Variants in GOSR1 observed in about 807,000 individuals in gnomAD.
GOSR1 encodes 28 kDa Golgi SNARE protein.
A neutral mutation model predicts 35.5 loss-of-function variants in GOSR1; 21 were observed. The ratio of observed to expected loss-of-function variants is 0.59; its 90% CI spans 0.42 to 0.85. The LOEUF is 0.85. GOSR1 is among the 40% of genes least tolerant of loss of function. The pLI, the probability that GOSR1 is intolerant of heterozygous loss-of-function variation, is 0.00. For missense variants in GOSR1, 285 were observed against 309.6 expected, an observed-to-expected ratio of 0.92 and a Z score of 0.60; for synonymous variants, 94 against 106.6, an observed-to-expected ratio of 0.88 and a Z score of 0.73.
chr17:30,490,216 G>C lies in GOSR1; in HGVS notation c.433G>C (p.Glu145Gln), dbSNP rs377555460. 1.3e-5 allele frequency: 18 copies of C among 1,377,228 alleles called. No individual in the cohort carries two copies. The South Asian group carries it at 2.1e-4, about 16-fold the overall frequency. The allele number at this position is 1,377,228 out of a possible 1,614,324, so 85.3% of individuals were successfully genotyped here. A position where few individuals can be genotyped will look rare whatever the true frequency, so the allele number is the denominator to read the frequency against. ...NLMGSVRKDI[E>Q]SYKSGSGVNN... Reference sequence around the variant, plus strand: ...TATGGGATCAGTACGAAAAGATATTGAGTAAGTTACTTTTTATATTATTTT... The same window carrying C: ...TATGGGATCAGTACGAAAAGATATTCAGTAAGTTACTTTTTATATTATTTT... Residue 145 changes from glutamate to glutamine, a missense_variant and splice_region_variant, in exon 5 of 9, where the codon GAG (glutamate) becomes CAG (glutamine). Glu to Gln is a conservative substitution (Grantham distance 29). Transcript: ENST00000451249.
intron 8 of GOSR1, among the ~76,000 whole-genome samples, chr17:30,521,068 T>C (rs1275598050): frequency 6.6e-6 from 1 of 150,508 alleles, no homozygotes; most frequent in Non-Finnish European, 1.5e-5. Flanking sequence ...TTTAAAACAC[T>C]AAAGCCTTTC....
chr17:30,513,964 C>T lies in GOSR1; in HGVS notation c.539+3055C>T, dbSNP rs112870797. On this transcript the variant is annotated intron_variant, in intron 7 of 8. Transcript: ENST00000451249. ...CTCAAAAAAATAATAATATATCATTCAAAGATTGATATATGGGCCAGCATA... is the reference window on the plus strand; with the variant it reads ...CTCAAAAAAATAATAATATATCATTTAAAGATTGATATATGGGCCAGCATA... 2.6e-3 allele frequency among the ~76,000 whole-genome samples: 391 copies of T among 152,266 alleles called. 2 individuals carry two copies. Among genetic ancestry groups the T allele is most frequent in the African/African-American group, 8.7e-3 (361 of 41,542 alleles).
chr17:30,496,504 G>A (rs1967009612), intron 6 of GOSR1, among the ~76,000 whole-genome samples: 1 of 151,258 alleles, frequency 6.6e-6, no homozygotes, highest in African/African-American at 2.5e-5. Context: ...CTTCTCTTTT[G>A]TTTTTTTCCT....
chr17:30,504,279 A>G (rs1967323148), intron 6 of GOSR1, among the ~76,000 whole-genome samples: 1 of 152,078 alleles, frequency 6.6e-6, no homozygotes, highest in African/African-American at 2.4e-5. Flanking sequence ...CACCTGCCTC[A>G]ACCTCGCAAA....
intron 7 of GOSR1, among the ~76,000 whole-genome samples, chr17:30,514,675 G>A (rs1426920143): frequency 6.6e-6 from 1 of 152,082 alleles, no homozygotes; most frequent in African/African-American, 2.4e-5. Flanking sequence ...TTATCTTAAC[G>A]TTCTTTATCA....
In GOSR1 at chr17:30,481,168, G is replaced by A; in HGVS notation, c.57G>A (p.Leu19=). 4 of 1,599,102 alleles carry A rather than the reference G, an allele frequency of 2.5e-6. No individual in the cohort carries two copies. Among genetic ancestry groups the A allele is most frequent in the East Asian group, 2.2e-5 (1 of 44,818 alleles). The change falls in exon 2 of 9, where the codon CTG becomes CTA. Residue 19 remains leucine, a synonymous_variant. Coordinates refer to ENST00000451249, the MANE Select transcript of GOSR1 (RefSeq NM_001007025.2). ...WEDLRKQARQ[L]ENELDLKLVS... is the part of the protein sequence containing the mutation. The stretch of plus-strand genomic sequence containing the variant: ...ATCTCAGGAAACAGGCTCGACAGCT[G>A]GAAAATGAACTTGACCTGAAACTAG...
rs1179091413 is a variant in GOSR1, at chr17:30,524,493, C to T, written c.*2115C>T. 6.6e-6 allele frequency: 1 copy of T among 152,048 alleles called. No homozygotes were observed. Among genetic ancestry groups the T allele is most frequent in the Non-Finnish European group, 1.5e-5 (1 of 68,022 alleles). The allele number at this position is 152,048 out of a possible 1,614,324, so 9.4% of individuals were successfully genotyped here. A position where few individuals can be genotyped will look rare whatever the true frequency, so the allele number is the denominator to read the frequency against. Reference sequence around the variant, plus strand: ...GTTAACTGTATTGCTGGAAAAACATCAAGAATGACAGTCTTATATTTAAGG... The same window carrying T: ...GTTAACTGTATTGCTGGAAAAACATTAAGAATGACAGTCTTATATTTAAGG... On this transcript the variant is annotated 3_prime_UTR_variant, in exon 9 of 9. Transcript: ENST00000451249.
At chr17:30,485,065 C>G (rs1914595494) in intron 4 of GOSR1, 5 of 422,878 alleles carry the variant, frequency 1.2e-5, no homozygotes, top group Non-Finnish European at 2.2e-5. Flanking sequence ...GTGAAATAGC[C>G]AATGGTCATG....
At chr17:30,487,671 T>C (rs1163031661) in intron 4 of GOSR1, among the ~76,000 whole-genome samples, 1 of 152,242 alleles carries the variant, frequency 6.6e-6, no homozygotes, top group African/African-American at 2.4e-5. Flanking sequence ...AGGGTACTCA[T>C]ATATTGCTGG....
chr17:30,512,106 G>T (rs1255726390), intron 7 of GOSR1, among the ~76,000 whole-genome samples: 1 of 152,118 alleles, frequency 6.6e-6, no homozygotes, highest in Non-Finnish European at 1.5e-5. Context: ...ACAAGGTTTT[G>T]GGTCTGATTT....
chr17:30,522,367 G>A lies in GOSR1; in HGVS notation c.736G>A (p.Ala246Thr). Residue 246 changes from alanine (A) to threonine (T), a missense_variant, in exon 9 of 9, where the codon GCG becomes ACG. Physicochemically the swap from Ala to Thr is moderately conservative, Grantham distance 58. Transcript: ENST00000451249. ...GICTILLLLY[A>T]FH ...CTGTACCATCCTGTTGCTGCTGTATGCGTTCCATTGATGGGACATCTTCAG... is the reference window on the plus strand; with the variant it reads ...CTGTACCATCCTGTTGCTGCTGTATACGTTCCATTGATGGGACATCTTCAG... 1 of 1,583,044 alleles carries A rather than the reference G, an allele frequency of 6.3e-7. No homozygotes were observed. The highest frequency in any genetic ancestry group is 8.6e-7 in the Non-Finnish European group (1 of 1,164,540).
Position 30,484,200 on chromosome 17 carries a change from G to C in GOSR1, c.147-14G>C, listed in dbSNP as rs1381045289. 1.4e-6 allele frequency: 2 copies of C among 1,432,260 alleles called. No homozygotes were observed. Among genetic ancestry groups the C allele is most frequent in the Non-Finnish European group, 2.0e-6 (2 of 1,014,562 alleles). 88.7% of individuals were successfully genotyped at this position (1,432,260 alleles called of 1,614,324 possible). A position where few individuals can be genotyped will look rare whatever the true frequency, so the allele number is the denominator to read the frequency against. ...TTTGAGTAATGGATCCTCTTTAACT[G>C]AACTTCTTTTTAGTTCTGATACAAC... is the stretch of plus-strand genomic sequence containing the variant. On this transcript the variant is annotated splice_polypyrimidine_tract_variant and intron_variant, in intron 2 of 8. Coordinates refer to ENST00000451249, the MANE Select transcript of GOSR1 (RefSeq NM_001007025.2).
intron 6 of GOSR1, among the ~76,000 whole-genome samples, chr17:30,509,463 A>G (rs1967536108): frequency 1.3e-5 from 2 of 152,246 alleles, no homozygotes. Context: ...AGTAACTTAG[A>G]TTACCTAGTC....
Position 30,490,371 on chromosome 17 carries a change from A to G in GOSR1, c.434+154A>G, listed in dbSNP as rs2286714. The G allele has an allele frequency of 5.1e-4, 259 of 510,188 alleles. 3 individuals are homozygous for G. The East Asian group carries it at 6.7e-3, about 13-fold the overall frequency. The allele number at this position is 510,188 out of a possible 1,614,324, so 31.6% of individuals were successfully genotyped here. On this transcript the variant is annotated intron_variant, in intron 5 of 8. Transcript: ENST00000451249. ...CTGTCTTTTTAACATTGCTGCTACA[A>G]TGTCATCCTAATCTACTTTTCCATT...
intron 1 of GOSR1, chr17:30,480,029 G>T (rs1296128901): frequency 6.6e-6 from 1 of 151,904 alleles, no homozygotes; most frequent in Non-Finnish European, 1.5e-5. Context: ...ATTTTGGTCC[G>T]GGCGTGGTGG....
intron 6 of GOSR1, among the ~76,000 whole-genome samples, chr17:30,493,690 C>T (rs1966889095): frequency 6.6e-6 from 1 of 152,012 alleles, no homozygotes; most frequent in Non-Finnish European, 1.5e-5. Context: ...TTCAACAACA[C>T]AAAAAGAAAA....
intron 4 of GOSR1, among the ~76,000 whole-genome samples, chr17:30,486,888 C>G (rs1349680176): frequency 6.6e-6 from 1 of 152,176 alleles, no homozygotes; most frequent in Non-Finnish European, 1.5e-5. Context: ...GTCTAAATTG[C>G]ATGACATCCC....
At position 30,527,205 on chromosome 17, in the gene GOSR1, A is replaced by T. The variant is rs1486075610; in HGVS notation, c.*4827A>T. 1 of 152,132 alleles carries T rather than the reference A, an allele frequency of 6.6e-6. No homozygotes were observed. Among genetic ancestry groups the T allele is most frequent in the Non-Finnish European group, 1.5e-5 (1 of 68,040 alleles). 9.4% of individuals were successfully genotyped at this position (152,132 alleles called of 1,614,324 possible). On this transcript the variant is annotated 3_prime_UTR_variant, in exon 9 of 9. Coordinates refer to ENST00000451249, the MANE Select transcript of GOSR1 (RefSeq NM_001007025.2). Reference sequence around the variant, plus strand: ...AAGACCTTGTCTCTACAAAAACTAAAATTAGCCATTCATGATGGTGTGCAC... The same window carrying T: ...AAGACCTTGTCTCTACAAAAACTAATATTAGCCATTCATGATGGTGTGCAC...
chr17:30,519,364 C>A (rs573738696), intron 7 of GOSR1, among the ~76,000 whole-genome samples: 12 of 152,242 alleles, frequency 7.9e-5, no homozygotes, highest in Admixed American at 4.6e-4. Context: ...GCTGTTTTAG[C>A]CACGTTTAAT....
Sources: allele counts gnomAD v4.1 joint callset (sites outside exome capture counted in the v4.1 genomes callset), GRCh38; gene constraint gnomAD v4.1.1; transcripts MANE v1.5; gene names NCBI Gene and HGNC (gene_info 2026-07-23, HGNC 2026-07-21).